MAGI2: variants seen among roughly 807,000 people sequenced by gnomAD.
The protein encoded by MAGI2 is membrane associated guanylate kinase, WW and PDZ domain containing 2.
Under a neutral mutation model 133.3 loss-of-function variants are expected in MAGI2, and 35 were observed. The observed-to-expected ratio is 0.26, with a 90% confidence interval of 0.20 to 0.35. MAGI2 has a LOEUF of 0.35. Among genes scored for constraint, MAGI2 ranks in the 10% least tolerant of loss-of-function variants. The pLI is 1.00. For synonymous variants in MAGI2, 729 were observed against 710.6 expected (o/e 1.03, Z -0.41); for missense variants, 1,636 against 1,863.4 (o/e 0.88, Z 2.25).
At chr7:78,871,790 T>A (rs183684240) in intron 2 of MAGI2, among the ~76,000 whole-genome samples, 50 of 152,156 alleles carry the variant, frequency 3.3e-4, no homozygotes, top group Middle Eastern at 3.5e-3. Flanking sequence ...TTAAATGAAC[T>A]CTTTAAGAGT....
intron 1 of MAGI2, among the ~76,000 whole-genome samples, chr7:79,381,775 A>G (rs1843800995): frequency 6.6e-6 from 1 of 151,824 alleles, no homozygotes; most frequent in African/African-American, 2.4e-5. Flanking sequence ...TGTGCTCAAT[A>G]GAAACATAAC....
At chr7:79,391,094 G>A (rs1844569233) in intron 1 of MAGI2, among the ~76,000 whole-genome samples, 1 of 152,106 alleles carries the variant, frequency 6.6e-6, no homozygotes, top group Non-Finnish European at 1.5e-5. Context: ...ATCCCTGACA[G>A]TTTTTACATA....
At chr7:78,398,926 T>G (rs1275755305) in intron 6 of MAGI2, among the ~76,000 whole-genome samples, 1 of 152,188 alleles carries the variant, frequency 6.6e-6, no homozygotes, top group Non-Finnish European at 1.5e-5. Context: ...CTCCACCCAG[T>G]GCAAATTTTC....
intron 20 of MAGI2, among the ~76,000 whole-genome samples, chr7:78,083,033 G>T (rs1034712868): frequency 1.3e-5 from 2 of 152,046 alleles, no homozygotes; most frequent in Non-Finnish European, 2.9e-5. Flanking sequence ...GGGGCAAGGG[G>T]TTCTCTTGTT....
intron 21 of MAGI2, among the ~76,000 whole-genome samples, chr7:78,062,426 T>C (rs1476870045): frequency 3.9e-5 from 6 of 152,196 alleles, no homozygotes. Context: ...GCGCCAGTCC[T>C]CTCCACTCCT....
chr7:78,217,016 CAG>C (rs747704114), intron 10 of MAGI2, among the ~76,000 whole-genome samples: 44 of 152,304 alleles, frequency 2.9e-4, no homozygotes, highest in African/African-American at 9.9e-4. Flanking sequence ...GACATGCACA[CAG>C]GGGATGGCAT....
At chr7:79,157,868 T>A in intron 1 of MAGI2, among the ~76,000 whole-genome samples, 1 of 145,328 alleles carries the variant, frequency 6.9e-6, no homozygotes, top group East Asian at 2.1e-4. Flanking sequence ...TTTTTTTTTT[T>A]TTTGCAAGCT....
chr7:78,355,978 T>C (rs886362616), intron 7 of MAGI2, among the ~76,000 whole-genome samples: 1 of 152,182 alleles, frequency 6.6e-6, no homozygotes, highest in Non-Finnish European at 1.5e-5. Context: ...AATGAAATGG[T>C]AATGAGGGCA....
In MAGI2 at chr7:78,489,957, C is replaced by G. The variant is rs574385968; in HGVS notation, c.966-117G>C. 4.2e-6 allele frequency: 3 copies of G among 712,360 alleles called. No individual in the cohort carries two copies. In the African/African-American group the frequency reaches 5.3e-5, roughly 13 times the overall value. The allele number at this position is 712,360 out of a possible 1,614,324, so 44.1% of individuals were successfully genotyped here. On this transcript the variant is annotated intron_variant, in intron 5 of 21. Coordinates refer to ENST00000354212, the MANE Select transcript of MAGI2 (RefSeq NM_012301.4). ...AATTGCAATCGATACACTTAATTTG[C>G]TTACTGGTTCTAAGTAGCCCTGAAG...
At chr7:78,127,022 T>C (rs1228394966) in intron 19 of MAGI2, among the ~76,000 whole-genome samples, 175 bp downstream of exon 19, 1 of 152,236 alleles carries the variant, frequency 6.6e-6, no homozygotes, top group African/African-American at 2.4e-5. Flanking sequence ...AATAGATTTA[T>C]TTATCCAGCA....
rs1426205321 is a variant in MAGI2, at chr7:78,885,032, C to T, written c.418+122058G>A. ...CAACATGGATGCAACTGGAGGCCAT[C>T]ATCCTAAATGACTTAATGCAGAAAC... On this transcript the variant is annotated intron_variant, in intron 2 of 21. Coordinates refer to ENST00000354212, the MANE Select transcript of MAGI2 (RefSeq NM_012301.4). 3.3e-5 allele frequency among the ~76,000 whole-genome samples: 5 copies of T among 152,154 alleles called. No homozygotes were observed. In the South Asian group the frequency reaches 1.0e-3, roughly 32 times the overall value.
intron 1 of MAGI2, among the ~76,000 whole-genome samples, chr7:79,335,628 A>T (rs1304575469): frequency 1.3e-5 from 2 of 152,112 alleles, no homozygotes; most frequent in Non-Finnish European, 2.9e-5. Flanking sequence ...ATGTAGTAAG[A>T]TAATTTTATT....
chr7:78,344,095 G>T, intron 8 of MAGI2, 135 bp from the exon 9 acceptor site: 2 of 671,428 alleles, frequency 3.0e-6, no homozygotes, highest in Non-Finnish European at 5.0e-6. Flanking sequence ...ATGCAAGCAG[G>T]TGGTGACTGC....
intron 1 of MAGI2, among the ~76,000 whole-genome samples, chr7:79,191,023 G>A (rs980055924): frequency 1.3e-5 from 2 of 151,498 alleles, no homozygotes; most frequent in African/African-American, 2.4e-5. Context: ...AATTCTGTTC[G>A]ACTGCATGTT....
chr7:78,870,355 G>GAAAA (rs34158706), intron 2 of MAGI2, among the ~76,000 whole-genome samples: 3 of 109,940 alleles, frequency 2.7e-5, no homozygotes, highest in African/African-American at 1.2e-4. Context: ...CCCTGTCTCA[G>GAAAA]AAAAAAAAAA....
rs1455956641 is a variant in MAGI2, at chr7:79,198,067, T to A, written c.302-190861A>T. 2.6e-5 allele frequency among the ~76,000 whole-genome samples: 4 copies of A among 151,732 alleles called. No individual in the cohort carries two copies. The South Asian group carries it at 8.3e-4, about 32-fold the overall frequency. The stretch of plus-strand genomic sequence containing the variant: ...CTTGAGAGCAGCCTGGGCAATATAG[T>A]GAGACCCCGATTCTACATAAAAATA... On this transcript the variant is annotated intron_variant, in intron 1 of 21. Coordinates refer to ENST00000354212, the MANE Select transcript of MAGI2 (RefSeq NM_012301.4).
intron 1 of MAGI2, among the ~76,000 whole-genome samples, chr7:79,431,342 A>G (rs1339735587): frequency 2.0e-5 from 3 of 152,224 alleles, no homozygotes; most frequent in African/African-American, 7.2e-5. Flanking sequence ...TAGGGGAAAG[A>G]AAGAAGAGAA....
chr7:78,629,502 A>C lies in MAGI2; in HGVS notation c.419-2263T>G, dbSNP rs76742769. ...CTTTATTTGCCTCCCTAACTACTAA[A>C]GGACTATGAAAAAACCAGAATCTCT... On this transcript the variant is annotated intron_variant, in intron 2 of 21. Coordinates refer to ENST00000354212, the MANE Select transcript of MAGI2 (RefSeq NM_012301.4). Among the ~76,000 whole-genome samples, 357 of 152,256 alleles carry C rather than the reference A, an allele frequency of 2.3e-3. 11 individuals are homozygous for C. In the East Asian group the frequency reaches 0.054, roughly 23 times the overall value.
At chr7:78,557,618 C>G (rs1364327378) in intron 3 of MAGI2, among the ~76,000 whole-genome samples, 2 of 152,118 alleles carry the variant, frequency 1.3e-5, no homozygotes, top group Non-Finnish European at 2.9e-5. Context: ...AGGATGCTGA[C>G]TTACAAAAAC....
Sources: allele counts gnomAD v4.1 joint callset (sites outside exome capture counted in the v4.1 genomes callset), GRCh38; gene constraint gnomAD v4.1.1; transcripts MANE v1.5; gene names NCBI Gene and HGNC (gene_info 2026-07-23, HGNC 2026-07-21).